The following PTPRN2 variants were observed in gnomAD, a reference collection of about 807,000 sequenced individuals.
The protein encoded by PTPRN2 is receptor-type tyrosine-protein phosphatase N2.
PTPRN2 carries 74 observed loss-of-function variants against 118.8 expected under a neutral mutation model. The ratio of observed to expected loss-of-function variants is 0.62; its 90% CI spans 0.52 to 0.76. The LOEUF is 0.76. PTPRN2 is among the 30% of genes least tolerant of loss of function. The probability of loss-of-function intolerance (pLI) is 0.00; values close to 1 mark genes in which losing one functional copy is unlikely to be tolerated. For missense variants in PTPRN2, 1,481 were observed against 1,394.4 expected, an observed-to-expected ratio of 1.06 and a Z score of -0.99; for synonymous variants, 641 against 608.0, an observed-to-expected ratio of 1.05 and a Z score of -0.80.
At chr7:157,889,921 C>T (rs6952172) in intron 12 of PTPRN2, among the ~76,000 whole-genome samples, 19,911 of 152,274 alleles carry the variant, frequency 0.13, 1,551 homozygotes, top group Admixed American at 0.24. Flanking sequence ...TCACCTGTTA[C>T]GTACATGGGC....
At chr7:158,167,319 A>G in intron 5 of PTPRN2, 28 bp from the exon 6 acceptor site, 1 of 1,548,962 alleles carries the variant, frequency 6.5e-7, no homozygotes, top group Non-Finnish European at 8.7e-7. Flanking sequence ...AAAACAGAGC[A>G]AGAGTCACAT....
At chr7:157,789,943 GGT>G (rs1289649969) in intron 12 of PTPRN2, among the ~76,000 whole-genome samples, 1 of 150,322 alleles carries the variant, frequency 6.7e-6, no homozygotes, top group Non-Finnish European at 1.5e-5. Context: ...TATGGTATGT[GGT>G]GTGTGTGTGG....
chr7:157,890,820 C>T (rs1361700038), intron 12 of PTPRN2, among the ~76,000 whole-genome samples: 1 of 152,176 alleles, frequency 6.6e-6, no homozygotes, highest in Non-Finnish European at 1.5e-5. Flanking sequence ...GCCAGCTCTC[C>T]ACCTCACCTG....
chr7:157,618,705 A>G lies in PTPRN2; in HGVS notation c.2344+2657T>C, dbSNP rs978329111. On this transcript the variant is annotated intron_variant, in intron 15 of 22. Transcript: ENST00000389418. This position sits in a 1 kb window ranked among gnomAD's most constrained non-coding sequence, Gnocchi z 4.2. ...TCTCCTTCCCAAAAGCAAGATGGCC[A>G]AGAGTATGGAGAAGAAAGTAGGTAA... 6 of 152,282 alleles carry G rather than the reference A, an allele frequency of 3.9e-5. No individual in the cohort carries two copies. The highest frequency in any genetic ancestry group is 3.3e-4 in the Admixed American group (5 of 15,288). The allele number at this position is 152,282 out of a possible 1,614,324, so 9.4% of individuals were successfully genotyped here.
In PTPRN2 at chr7:157,785,676, C is replaced by A; in HGVS notation, c.1789-102739G>T. Among the ~76,000 whole-genome samples, 1 of 152,138 alleles carries A rather than the reference C, an allele frequency of 6.6e-6. No individual in the cohort carries two copies. Among genetic ancestry groups the A allele is most frequent in the East Asian group, 1.9e-4 (1 of 5,172 alleles). ...AGAGACGGAGACCGTGGGCACAGCA[C>A]ACCAAGGGGGAGCCTGCTCAGAGAT... On this transcript the variant is annotated intron_variant, in intron 12 of 22. Coordinates refer to ENST00000389418, the MANE Select transcript of PTPRN2 (RefSeq NM_002847.5). This position sits in a 1 kb window ranked among gnomAD's most constrained non-coding sequence, Gnocchi z 7.3.
intron 10 of PTPRN2, among the ~76,000 whole-genome samples, chr7:158,094,540 C>T (rs959760360): frequency 6.6e-6 from 1 of 152,072 alleles, no homozygotes; most frequent in African/African-American, 2.4e-5. Context: ...AACTCCAGAC[C>T]TTGTGATCCG....
intron 12 of PTPRN2, among the ~76,000 whole-genome samples, chr7:157,750,707 G>A (rs1416323685): frequency 7.2e-5 from 11 of 152,330 alleles, no homozygotes; most frequent in African/African-American, 1.9e-4. Context: ...CTCTCCCTCC[G>A]GCTCCAGTGT....
chr7:157,649,824 G>A (rs1406170277), intron 14 of PTPRN2, among the ~76,000 whole-genome samples: 3 of 147,360 alleles, frequency 2.0e-5, no homozygotes, highest in Admixed American at 6.7e-5. Context: ...TCGGTGGGTC[G>A]GACCCATTCA....
At position 157,603,699 on chromosome 7, in the gene PTPRN2, C is replaced by G. The variant is rs187847686; in HGVS notation, c.2418+303G>C. Among the ~76,000 whole-genome samples, 1 of 152,148 alleles carries G rather than the reference C, an allele frequency of 6.6e-6. No individual in the cohort carries two copies. Among genetic ancestry groups the G allele is most frequent in the Non-Finnish European group, 1.5e-5 (1 of 68,018 alleles). On this transcript the variant is annotated intron_variant, in intron 16 of 22. Transcript: ENST00000389418. The surrounding 1 kb of genome is among the most constrained non-coding windows in gnomAD (Gnocchi z 5.4). ...CAGGAAAGAGGAACGGCACCCACTA[C>G]GAACCTCTCCTAAAAGCCATGTCTT...
intron 12 of PTPRN2, among the ~76,000 whole-genome samples, chr7:157,747,432 T>C (rs13231804): frequency 8.0e-6 from 1 of 125,018 alleles, no homozygotes; most frequent in African/African-American, 3.3e-5. Context: ...CTTTGGGCTG[T>C]CCGGGTGATT....
intron 12 of PTPRN2, among the ~76,000 whole-genome samples, chr7:157,711,582 C>G (rs1477316197): frequency 6.6e-6 from 1 of 152,184 alleles, no homozygotes; most frequent in Non-Finnish European, 1.5e-5. Flanking sequence ...CCTTCCCTTC[C>G]TCAGGCCCAC....
At chr7:158,034,367 G>A (rs1585241052) in intron 11 of PTPRN2, among the ~76,000 whole-genome samples, 1 of 152,318 alleles carries the variant, frequency 6.6e-6, no homozygotes, top group East Asian at 1.9e-4. Flanking sequence ...ATTCCCATGT[G>A]TCATGGGAAG....
chr7:158,133,127 C>T (rs149092386), intron 9 of PTPRN2, among the ~76,000 whole-genome samples: 6 of 152,190 alleles, frequency 3.9e-5, no homozygotes, highest in African/African-American at 1.2e-4. Context: ...TGCTGTGAAG[C>T]CCCTTCTTCC....
At chr7:158,111,387 G>A (rs1228734539) in intron 9 of PTPRN2, among the ~76,000 whole-genome samples, 2 of 152,182 alleles carry the variant, frequency 1.3e-5, no homozygotes, top group African/African-American at 2.4e-5. Flanking sequence ...CTCAGGGCAG[G>A]GGGCGGGGGC....
At position 157,598,748 on chromosome 7, in the gene PTPRN2, C is replaced by G. The variant is rs1801497089; in HGVS notation, c.2419-3433G>C. Among the ~76,000 whole-genome samples the G allele has an allele frequency of 6.6e-6, 1 of 152,188 alleles. No homozygotes were observed. The highest frequency in any genetic ancestry group is 6.5e-5 in the Admixed American group (1 of 15,276). ...CCCGTGAACACGCGTCCATGCTGTC[C>G]TCAGTGAACCACAGAAGGAAGGAAG... is the stretch of plus-strand genomic sequence containing the variant. On this transcript the variant is annotated intron_variant, in intron 16 of 22. Coordinates refer to ENST00000389418, the MANE Select transcript of PTPRN2 (RefSeq NM_002847.5). This position sits in a 1 kb window ranked among gnomAD's most constrained non-coding sequence, Gnocchi z 5.2.
chr7:158,473,822 A>G (rs73526868), intron 2 of PTPRN2, among the ~76,000 whole-genome samples: 71 of 152,340 alleles, frequency 4.7e-4, no homozygotes, highest in African/African-American at 1.6e-3. Flanking sequence ...GGCTATAAAT[A>G]GCTTAAAAAC....
At position 158,330,122 on chromosome 7, in the gene PTPRN2, G is replaced by A. The variant is rs1160397294; in HGVS notation, c.164-13190C>T. ...TCACACCCACACTCTCACCATAAGA[G>A]CTGACACCCGCAGACGTCACTCACA... On this transcript the variant is annotated intron_variant, in intron 2 of 22. Coordinates refer to ENST00000389418, the MANE Select transcript of PTPRN2 (RefSeq NM_002847.5). Among the ~76,000 whole-genome samples, 3 of 137,066 alleles carry A rather than the reference G, an allele frequency of 2.2e-5. No homozygotes were observed. The Admixed American group carries it at 2.3e-4, about 10-fold the overall frequency. 89.9% of individuals were successfully genotyped at this position (137,066 alleles called of 152,430 possible).
At chr7:158,428,743 C>A (rs1815942378) in intron 2 of PTPRN2, among the ~76,000 whole-genome samples, 1 of 152,122 alleles carries the variant, frequency 6.6e-6, no homozygotes. Context: ...AGTCACAGTT[C>A]AGTGACAGAG....
At chr7:158,329,244 C>A (rs1302358197) in intron 2 of PTPRN2, among the ~76,000 whole-genome samples, 1 of 152,178 alleles carries the variant, frequency 6.6e-6, no homozygotes, top group Non-Finnish European at 1.5e-5. Context: ...AGGTGAGGAG[C>A]AGGCTAGGAG....
Sources: gnomAD v4.1 joint callset for allele counts (sites outside exome capture counted in the v4.1 genomes callset) on GRCh38, gnomAD v4.1.1 for gene constraint, Gnocchi (gnomAD v3.1) non-coding constraint, MANE v1.5 for transcripts, NCBI Gene and HGNC (gene_info 2026-07-23, HGNC 2026-07-21) for gene names.